The following DDHD1 variants were observed in gnomAD, a reference collection of about 807,000 sequenced individuals.
DDHD1 encodes the protein DDHD domain containing 1.
In DDHD1, 49 loss-of-function variants were observed where a neutral mutation model predicts 96.4. The ratio of observed to expected loss-of-function variants is 0.51; its 90% CI spans 0.40 to 0.64. DDHD1 has a LOEUF of 0.64. Among genes scored for constraint, DDHD1 ranks in the 30% least tolerant of loss-of-function variants. The pLI is 0.00. For missense variants in DDHD1, 1,106 were observed against 1,161.2 expected (o/e 0.95, Z 0.69); for synonymous variants, 442 against 446.5 (o/e 0.99, Z 0.13).
In DDHD1 at chr14:53,077,675, T is replaced by G. The variant is rs934608815; in HGVS notation, c.1290-3828A>C. Among the ~76,000 whole-genome samples the G allele has an allele frequency of 2.4e-4, 36 of 151,220 alleles. 2 individuals carry two copies. Among genetic ancestry groups the G allele is most frequent in the Non-Finnish European group, 4.3e-4 (29 of 67,924 alleles). ...TTCATTAGTTTTTGTTTTTGTTTTT[T>G]TTTTTTAAAAAACAATTGTGGCTTT... is the stretch of plus-strand genomic sequence containing the variant. On this transcript the variant is annotated intron_variant, in intron 4 of 12. Transcript: ENST00000673822.
chr14:53,113,390 C>CAAAAAAAAAAAAA (rs60704615), intron 1 of DDHD1, among the ~76,000 whole-genome samples: 5 of 118,260 alleles, frequency 4.2e-5, no homozygotes, highest in African/African-American at 1.6e-4. Flanking sequence ...CTGTACAAGC[C>CAAAAAAAAAAAAA]AAAAAAAAAA....
At chr14:53,091,757 T>C in intron 4 of DDHD1, 28 bp downstream of exon 4, 1 of 1,606,714 alleles carries the variant, frequency 6.2e-7, no homozygotes, top group Non-Finnish European at 8.5e-7. Context: ...CTAGATTAGA[T>C]ATACAATGCA....
At chr14:53,128,022 A>G (rs540278269) in intron 1 of DDHD1, among the ~76,000 whole-genome samples, 2 of 152,298 alleles carry the variant, frequency 1.3e-5, no homozygotes, top group African/African-American at 4.8e-5. Flanking sequence ...TGCTATTCTG[A>G]CAGTGAGTTC....
intron 1 of DDHD1, among the ~76,000 whole-genome samples, chr14:53,146,926 T>C (rs1464134902): frequency 2.6e-5 from 4 of 151,634 alleles, no homozygotes; most frequent in Non-Finnish European, 5.9e-5. Flanking sequence ...TCATCAATGC[T>C]GACAGTTTTT....
At chr14:53,099,503 C>T (rs1482517156) in intron 2 of DDHD1, among the ~76,000 whole-genome samples, 4 of 152,180 alleles carry the variant, frequency 2.6e-5, no homozygotes, top group African/African-American at 9.7e-5. Context: ...TTTGTAGAAT[C>T]ACCCTCAGTA....
Position 53,040,469 on chromosome 14 carries a change from A to C in DDHD1, c.*6299T>G, listed in dbSNP as rs1445242874. Reference sequence around the variant, plus strand: ...AGTCTGAGGTTGCTCACTGTAGGGCACAACTACTTGTTTCGGGTGAGCAAG... The same window carrying C: ...AGTCTGAGGTTGCTCACTGTAGGGCCCAACTACTTGTTTCGGGTGAGCAAG... On this transcript the variant is annotated 3_prime_UTR_variant, in exon 13 of 13. Transcript: ENST00000673822. 6.6e-6 allele frequency: 1 copy of C among 152,214 alleles called. No homozygotes were observed. The highest frequency in any genetic ancestry group is 1.5e-5 in the Non-Finnish European group (1 of 68,034). The allele number at this position is 152,214 out of a possible 1,614,324, so 9.4% of individuals were successfully genotyped here. A position where few individuals can be genotyped will look rare whatever the true frequency, so the allele number is the denominator to read the frequency against.
intron 1 of DDHD1, among the ~76,000 whole-genome samples, chr14:53,131,542 A>G (rs1889866608): frequency 6.6e-6 from 1 of 151,944 alleles, no homozygotes; most frequent in South Asian, 2.1e-4. Flanking sequence ...TGGATCTCAA[A>G]CATGCTTTCT....
chr14:53,153,207 C>A lies in DDHD1; in HGVS notation c.-109G>T, dbSNP rs961898005. ...TCTCCACCCGAAGTTTCTAATCTTTCAAATCCCGACCCGAGCTGCGGCGGC... is the reference window on the plus strand; with the variant it reads ...TCTCCACCCGAAGTTTCTAATCTTTAAAATCCCGACCCGAGCTGCGGCGGC... On this transcript the variant is annotated 5_prime_UTR_variant, in exon 1 of 13. An upstream open reading frame in the 5' UTR loses its in-frame stop. Transcript: ENST00000673822. 4 of 1,024,448 alleles carry A rather than the reference C, an allele frequency of 3.9e-6. No homozygotes were observed. In the African/African-American group the frequency reaches 6.8e-5, roughly 17 times the overall value. The allele number at this position is 1,024,448 out of a possible 1,614,324, so 63.5% of individuals were successfully genotyped here.
intron 1 of DDHD1, among the ~76,000 whole-genome samples, chr14:53,104,521 G>A (rs886815577): frequency 6.6e-6 from 1 of 152,118 alleles, no homozygotes; most frequent in Non-Finnish European, 1.5e-5. Context: ...TGTGGTAGTA[G>A]TGTGTGGCAC....
At position 53,063,063 on chromosome 14, in the gene DDHD1, C is replaced by T. The variant is rs746217229; in HGVS notation, c.1646G>A (p.Gly549Asp). ...TTCATACAGCCGAACTGGATTCCAG[C>T]CAGTCATTATGTCATAAGTAATTAC... Reference protein sequence around the residue: ...GCVITYDIMTGWNPVRLYEQL... With the variant: ...GCVITYDIMTDWNPVRLYEQL... The change falls in exon 7 of 13, where the codon GGC becomes GAC. Residue 549 changes from glycine to aspartate, a missense_variant. By Grantham distance (94) the Gly-to-Asp change is moderately conservative. Coordinates refer to ENST00000673822, the MANE Select transcript of DDHD1 (RefSeq NM_001160148.2). 35 of 1,613,974 alleles carry T rather than the reference C, an allele frequency of 2.2e-5. No homozygotes were observed. The Admixed American group carries it at 4.8e-4, about 22-fold the overall frequency.
At chr14:53,081,400 T>C (rs1290472551) in intron 4 of DDHD1, among the ~76,000 whole-genome samples, 6 of 152,260 alleles carry the variant, frequency 3.9e-5, no homozygotes, top group Non-Finnish European at 7.3e-5. Context: ...ATGTAAATCA[T>C]TGTGGCATAG....
intron 4 of DDHD1, among the ~76,000 whole-genome samples, chr14:53,077,753 G>A (rs142541300): frequency 6.7e-6 from 1 of 149,360 alleles, no homozygotes; most frequent in East Asian, 2.0e-4. Context: ...TTCATAACAC[G>A]TTCATCACCC....
chr14:53,080,131 A>C (rs1885333459), intron 4 of DDHD1, among the ~76,000 whole-genome samples: 1 of 152,326 alleles, frequency 6.6e-6, no homozygotes, highest in East Asian at 1.9e-4. Context: ...AGGCCAAGGC[A>C]GGCAGATCAC....
At chr14:53,128,158 T>A (rs1011341898) in intron 1 of DDHD1, among the ~76,000 whole-genome samples, 4 of 152,184 alleles carry the variant, frequency 2.6e-5, no homozygotes, top group African/African-American at 9.7e-5. Context: ...TCCTGAGGCC[T>A]CCCCAGCCAC....
At chr14:53,074,903 T>C (rs904881768) in intron 4 of DDHD1, among the ~76,000 whole-genome samples, 5 of 152,172 alleles carry the variant, frequency 3.3e-5, no homozygotes, top group Non-Finnish European at 5.9e-5. Flanking sequence ...CATTTTGTAA[T>C]CCTCACAATA....
chr14:53,114,101 G>A lies in DDHD1; in HGVS notation c.839-10245C>T, dbSNP rs528658206. Reference sequence around the variant, plus strand: ...TCCCCTGACAGTGCTAAGGTGCCTGGCAGGTCTGGACTGGGCGGAATTCAC... The same window carrying A: ...TCCCCTGACAGTGCTAAGGTGCCTGACAGGTCTGGACTGGGCGGAATTCAC... On this transcript the variant is annotated intron_variant, in intron 1 of 12. Coordinates refer to ENST00000673822, the MANE Select transcript of DDHD1 (RefSeq NM_001160148.2). 7.9e-5 allele frequency among the ~76,000 whole-genome samples: 12 copies of A among 152,320 alleles called. No individual in the cohort carries two copies. The East Asian group carries it at 2.3e-3, about 29-fold the overall frequency.
chr14:53,115,102 G>T (rs764118736), intron 1 of DDHD1, among the ~76,000 whole-genome samples: 1 of 152,046 alleles, frequency 6.6e-6, no homozygotes. Context: ...TAGCCAAATC[G>T]ATCAAGTGGA....
intron 2 of DDHD1, among the ~76,000 whole-genome samples, chr14:53,098,700 G>A (rs1887072523): frequency 6.6e-6 from 1 of 152,024 alleles, no homozygotes; most frequent in Non-Finnish European, 1.5e-5. Context: ...CTTTTTAATC[G>A]AGCTTTGAAA....
At chr14:53,127,224 C>A (rs568908548) in intron 1 of DDHD1, among the ~76,000 whole-genome samples, 5 of 152,148 alleles carry the variant, frequency 3.3e-5, no homozygotes, top group Middle Eastern at 3.4e-3. Context: ...ACAAAATAAT[C>A]CAGGATATTA....
Sources: gnomAD v4.1 joint callset for allele counts (sites outside exome capture counted in the v4.1 genomes callset) on GRCh38, gnomAD v4.1.1 for gene constraint, MANE v1.5 for transcripts, NCBI Gene and HGNC (gene_info 2026-07-23, HGNC 2026-07-21) for gene names.